G6PD: variants seen among roughly 807,000 people sequenced by gnomAD.
G6PD encodes the protein glucose-6-phosphate 1-dehydrogenase.
In G6PD, 2 loss-of-function variants were observed where a neutral mutation model predicts 38.2. The ratio of observed to expected loss-of-function variants is 0.05; its 90% CI spans 0.02 to 0.16. The LOEUF is 0.16. Among genes scored for constraint, G6PD ranks in the 10% least tolerant of loss-of-function variants. The probability of loss-of-function intolerance (pLI) is 1.00; values close to 1 mark genes in which losing one functional copy is unlikely to be tolerated. For synonymous variants in G6PD, 188 were observed against 196.0 expected (o/e 0.96, Z 0.34); for missense variants, 310 against 471.6 (o/e 0.66, Z 3.17).
chrX:154,540,000 C>T (rs1216280247), intron 2 of G6PD, among the ~76,000 whole-genome samples: 2 of 110,185 alleles, frequency 1.8e-5, no homozygotes, highest in South Asian at 3.9e-4. Flanking sequence ...GCATTACAGG[C>T]GTGAGCCACC....
chrX:154,537,383 C>T (rs144436196), intron 2 of G6PD, among the ~76,000 whole-genome samples: 1 of 111,581 alleles, frequency 9.0e-6, no homozygotes, highest in African/African-American at 3.3e-5. Flanking sequence ...TTTGGAAGGC[C>T]GAGGCGGATG....
At chrX:154,537,602 C>T (rs141936915) in intron 2 of G6PD, among the ~76,000 whole-genome samples, 2,238 of 111,712 alleles carry the variant, frequency 0.02, 21 homozygotes, top group Middle Eastern at 0.12. Context: ...GCTACAAAAG[C>T]GAAACTCCGT....
chrX:154,534,113 G>A lies in G6PD; in HGVS notation c.692C>T (p.Ala231Val). The A allele has an allele frequency of 1.7e-6, 2 of 1,212,008 alleles. No individual in the cohort carries two copies. Among genetic ancestry groups the A allele is most frequent in the Non-Finnish European group, 2.2e-6 (2 of 895,484 alleles). Residue 231 changes from alanine (A) to valine (V), a missense_variant, in exon 7 of 13, where the codon GCC becomes GTC. Around this residue, in one of 4 missense-constraint regions of G6PD, gnomAD observed 168 missense variants for 309.2 expected, o/e 0.54. Coordinates refer to ENST00000393562, the MANE Select transcript of G6PD (RefSeq NM_001360016.2). The stretch of plus-strand genomic sequence containing the variant: ...CTCCTTGAAGGTGAGGATAACGCAG[G>A]CGATGTTGTCCCGGTTCCAGATGGG... ...FGPIWNRDNI[A>V]CVILTFKEPF...
intron 7 of G6PD, 95 bp downstream of exon 7, chrX:154,533,940 G>C: frequency 8.3e-7 from 1 of 1,204,823 alleles, no homozygotes; most frequent in Admixed American, 2.2e-5. Flanking sequence ...TGCAGGGTGA[G>C]GAGGAGCTCC....
chrX:154,534,265 G>C (rs1557230280), intron 6 of G6PD, 73 bp downstream of exon 6: 1 of 1,199,204 alleles, frequency 8.3e-7, no homozygotes, highest in African/African-American at 1.8e-5. Flanking sequence ...TTCGTCCTCG[G>C]GGAGGCAGTG....
intron 4 of G6PD, 68 bp from the exon 5 acceptor site, chrX:154,535,453 T>C: frequency 9.9e-7 from 1 of 1,014,925 alleles, no homozygotes; most frequent in Non-Finnish European, 1.4e-6. Context: ...GTGTGTGTTC[T>C]GCCCCAGGGG....
At chrX:154,539,729 CT>C (rs1206155101) in intron 2 of G6PD, among the ~76,000 whole-genome samples, 18 of 105,066 alleles carry the variant, frequency 1.7e-4, no homozygotes, top group Admixed American at 3.1e-4. Flanking sequence ...ACATGTATTT[CT>C]TTTTTTTTTT....
At chrX:154,537,002 G>A (rs1358323514) in intron 2 of G6PD, among the ~76,000 whole-genome samples, 1 of 112,530 alleles carries the variant, frequency 8.9e-6, no homozygotes, top group African/African-American at 3.2e-5. Context: ...CCCTGGCATG[G>A]TTGCTTTTTT....
At position 154,531,812 on chromosome X, in the gene G6PD, G is replaced by A. The variant is rs2070338452; in HGVS notation, c.*188C>T. The A allele has an allele frequency of 1.5e-5, 11 of 716,096 alleles. No homozygotes were observed. The highest frequency in any genetic ancestry group is 3.3e-5 in the Admixed American group (1 of 30,550). 59.0% of individuals were successfully genotyped at this position (716,096 alleles called of 1,213,427 possible). A position where few individuals can be genotyped will look rare whatever the true frequency, so the allele number is the denominator to read the frequency against. On this transcript the variant is annotated 3_prime_UTR_variant, in exon 13 of 13. Transcript: ENST00000393562. The stretch of plus-strand genomic sequence containing the variant: ...GGTCTGGAGGGGCCAGGATGGTCTC[G>A]AGTGCTTGGCAGCTGAGGAATGTAG...
intron 2 of G6PD, 168 bp downstream of exon 2, chrX:154,545,868 G>C: frequency 1.9e-6 from 1 of 532,887 alleles, no homozygotes; most frequent in Non-Finnish European, 3.1e-6. Context: ...TCTTGCAAGT[G>C]CATATGCACA....
rs1426086665 is a variant in G6PD, at chrX:154,532,286, G to A, written c.1365-6C>T. ...AGGCCTCACGGAGCTCGTCGCTGAG[G>A]GGACATGGTATGGCTTGGGAGGCCG... On this transcript the variant is annotated splice_region_variant and splice_polypyrimidine_tract_variant and intron_variant, in intron 11 of 12. Coordinates refer to ENST00000393562, the MANE Select transcript of G6PD (RefSeq NM_001360016.2). The A allele has an allele frequency of 8.3e-7, 1 of 1,209,857 alleles. No homozygotes were observed. Among genetic ancestry groups the A allele is most frequent in the Non-Finnish European group, 1.1e-6 (1 of 894,838 alleles).
chrX:154,546,553 G>C (rs1266662452), intron 1 of G6PD, among the ~76,000 whole-genome samples: 1 of 111,084 alleles, frequency 9.0e-6, no homozygotes, highest in African/African-American at 3.3e-5. Context: ...GCAGATGCTG[G>C]AGTTCAGCTC....
At chrX:154,546,643 A>T in intron 1 of G6PD, 146 bp downstream of exon 1, 1 of 499,510 alleles carries the variant, frequency 2.0e-6, no homozygotes, top group East Asian at 4.1e-5. Flanking sequence ...TCAAGAGAGG[A>T]GGTGCGGGGT....
intron 2 of G6PD, among the ~76,000 whole-genome samples, chrX:154,540,107 TGAG>T (rs782330299): frequency 1.8e-5 from 2 of 109,520 alleles, no homozygotes; most frequent in South Asian, 8.0e-4. Context: ...TTTGGGAGGC[TGAG>T]GAGGGTGGAT....
chrX:154,544,579 G>A (rs950404705), intron 2 of G6PD, among the ~76,000 whole-genome samples: 43 of 112,787 alleles, frequency 3.8e-4, no homozygotes, highest in Non-Finnish European at 7.1e-4. Context: ...ACAGGCGTGA[G>A]CCACCGTGCC....
rs1020037412 is a variant in G6PD, at chrX:154,534,172, G to A, written c.645-12C>T. ...TCCTGTTGGCAAATCTGCAGGGAGGGGCAAGGTGGAGGAACTGACCTTGGG... is the reference window on the plus strand; with the variant it reads ...TCCTGTTGGCAAATCTGCAGGGAGGAGCAAGGTGGAGGAACTGACCTTGGG... On this transcript the variant is annotated splice_polypyrimidine_tract_variant and intron_variant, in intron 6 of 12. Coordinates refer to ENST00000393562, the MANE Select transcript of G6PD (RefSeq NM_001360016.2). The A allele has an allele frequency of 3.3e-6, 4 of 1,211,922 alleles. No homozygotes were observed. Among genetic ancestry groups the A allele is most frequent in the Non-Finnish European group, 4.5e-6 (4 of 895,509 alleles).
intron 2 of G6PD, among the ~76,000 whole-genome samples, chrX:154,537,557 G>C (rs147574213): frequency 0.021 from 2,341 of 112,047 alleles, 80 homozygotes; most frequent in African/African-American, 0.071. Context: ...GGAGGTTGCA[G>C]TGAGCCAAGA....
rs782371841 is a variant in G6PD, at chrX:154,531,840, G to A, written c.*160C>T. 7.8e-6 allele frequency: 7 copies of A among 892,271 alleles called. No homozygotes were observed. In the African/African-American group the frequency reaches 1.2e-4, roughly 15 times the overall value. 73.5% of individuals were successfully genotyped at this position (892,271 alleles called of 1,213,427 possible). ...TGCTTGGCAGCTGAGGAATGTAGCT[G>A]GGCTCGGGTAGTAGCAGCAGCGAGG... On this transcript the variant is annotated 3_prime_UTR_variant, in exon 13 of 13. Coordinates refer to ENST00000393562, the MANE Select transcript of G6PD (RefSeq NM_001360016.2).
chrX:154,545,824 A>G, intron 2 of G6PD: 1 of 417,771 alleles, frequency 2.4e-6, no homozygotes. Context: ...GACCAGAGCA[A>G]AACTCCGTCT....
Sources: gnomAD v4.1 joint callset for allele counts (sites outside exome capture counted in the v4.1 genomes callset) on GRCh38, gnomAD v4.1.1 for gene constraint, gnomAD v4.1.1 regional missense constraint, MANE v1.5 for transcripts, NCBI Gene and HGNC (gene_info 2026-07-23, HGNC 2026-07-21) for gene names.